The following CPNE4 variants were observed in gnomAD, a reference collection of about 807,000 sequenced individuals.
CPNE4 encodes copine-4.
In CPNE4, 25 loss-of-function variants were observed where a neutral mutation model predicts 67.9. The observed-to-expected ratio is 0.37, with a 90% CI of 0.27 to 0.51. The LOEUF (loss-of-function observed/expected upper bound fraction) is 0.51. CPNE4 is among the 20% of genes least tolerant of loss of function. The pLI is 0.93. For synonymous variants in CPNE4, 242 were observed against 244.9 expected, an observed-to-expected ratio of 0.99 and a Z score of 0.11; for missense variants, 464 against 690.8, an observed-to-expected ratio of 0.67 and a Z score of 3.68.
intron 5 of CPNE4, among the ~76,000 whole-genome samples, chr3:131,687,525 C>A (rs533543128): frequency 6.6e-5 from 10 of 152,132 alleles, no homozygotes; most frequent in Non-Finnish European, 1.3e-4. Flanking sequence ...TAGACTTTAG[C>A]AAAGTAGAAT....
At chr3:131,941,235 A>T (rs1038421026) in intron 1 of CPNE4, among the ~76,000 whole-genome samples, 6 of 152,126 alleles carry the variant, frequency 3.9e-5, no homozygotes, top group Non-Finnish European at 8.8e-5. Flanking sequence ...AATTATATTA[A>T]GAACGAAGGT....
intron 7 of CPNE4, among the ~76,000 whole-genome samples, chr3:131,669,409 AT>A (rs569436053): frequency 2.4e-4 from 37 of 152,158 alleles, no homozygotes; most frequent in Non-Finnish European, 4.6e-4. Context: ...TATAACCTGA[AT>A]TTATTGCCAT....
chr3:131,548,639 G>A (rs1177356295), intron 14 of CPNE4, among the ~76,000 whole-genome samples: 1 of 152,066 alleles, frequency 6.6e-6, no homozygotes, highest in Non-Finnish European at 1.5e-5. Context: ...AGGCCTCAAG[G>A]TGGGAATATA....
intron 7 of CPNE4, among the ~76,000 whole-genome samples, chr3:131,638,830 C>T (rs2079463063): frequency 6.6e-6 from 1 of 152,074 alleles, no homozygotes; most frequent in Non-Finnish European, 1.5e-5. Flanking sequence ...TCTCTCAGAC[C>T]ACAATGGAAT....
At chr3:131,859,457 C>T (rs1472996214) in intron 2 of CPNE4, among the ~76,000 whole-genome samples, 1 of 152,108 alleles carries the variant, frequency 6.6e-6, no homozygotes, top group Admixed American at 6.6e-5. Context: ...TTTCCTTTGT[C>T]CCTGTTTCAA....
chr3:131,896,076 C>T (rs1048569148), intron 2 of CPNE4, among the ~76,000 whole-genome samples: 2 of 151,604 alleles, frequency 1.3e-5, no homozygotes, highest in Non-Finnish European at 2.9e-5. Flanking sequence ...TGATTGGGGC[C>T]AGATGTCCCT....
At chr3:131,677,729 A>T (rs183389937) in intron 6 of CPNE4, among the ~76,000 whole-genome samples, 1 of 152,220 alleles carries the variant, frequency 6.6e-6, no homozygotes, top group East Asian at 1.9e-4. Context: ...TTTGTTGAAG[A>T]TCAGATAGTT....
intron 1 of CPNE4, among the ~76,000 whole-genome samples, chr3:131,959,372 A>G (rs2072098896): frequency 6.6e-6 from 1 of 152,032 alleles, no homozygotes; most frequent in African/African-American, 2.4e-5. Flanking sequence ...GCATTCCCCA[A>G]TCCTGGAAGG....
At chr3:131,552,278 G>A (rs921789426) in intron 13 of CPNE4, among the ~76,000 whole-genome samples, 162 bp downstream of exon 13, 2 of 151,894 alleles carry the variant, frequency 1.3e-5, no homozygotes, top group African/African-American at 4.8e-5. Flanking sequence ...TGTTATCATG[G>A]CTTTCTCTTG....
At chr3:131,600,957 A>C (rs1309605630) in intron 7 of CPNE4, among the ~76,000 whole-genome samples, 4 of 152,118 alleles carry the variant, frequency 2.6e-5, no homozygotes, top group Admixed American at 2.6e-4. Context: ...CATTTTAATT[A>C]ATGCACTACA....
At chr3:131,574,277 A>G (rs1937484477) in intron 10 of CPNE4, among the ~76,000 whole-genome samples, 2 of 152,136 alleles carry the variant, frequency 1.3e-5, no homozygotes, top group African/African-American at 4.8e-5. Context: ...AAAGGGTTCT[A>G]GCACATCTGT....
chr3:131,791,967 A>G (rs2083736738), intron 2 of CPNE4, among the ~76,000 whole-genome samples: 1 of 152,198 alleles, frequency 6.6e-6, no homozygotes, highest in African/African-American at 2.4e-5. Flanking sequence ...ATATAGGGCT[A>G]TAATTACTCA....
Position 131,923,700 on chromosome 3 carries a change from G to A in CPNE4, c.-1-18256C>T, listed in dbSNP as rs190823501. 3.7e-4 allele frequency among the ~76,000 whole-genome samples: 19 copies of A among 50,918 alleles called. No homozygotes were observed. The East Asian group carries it at 7.5e-3, about 20-fold the overall frequency. 33.4% of individuals were successfully genotyped at this position (50,918 alleles called of 152,430 possible). On this transcript the variant is annotated intron_variant, in intron 1 of 15. Transcript: ENST00000429747. Reference sequence around the variant, plus strand: ...AGCCTGGGTGACAGAGCTAGACTCCGTCTCAAAAAAAAAAAAAAAAAAAAA... The same window carrying A: ...AGCCTGGGTGACAGAGCTAGACTCCATCTCAAAAAAAAAAAAAAAAAAAAA...
chr3:131,792,958 G>GT (rs1486693686), intron 2 of CPNE4, among the ~76,000 whole-genome samples: 2 of 141,594 alleles, frequency 1.4e-5, no homozygotes, highest in Non-Finnish European at 3.0e-5. Flanking sequence ...AACCAGAATT[G>GT]TTTTTTCCAC....
intron 7 of CPNE4, among the ~76,000 whole-genome samples, chr3:131,644,237 T>C (rs578051954): frequency 1.5e-4 from 23 of 152,030 alleles, no homozygotes; most frequent in African/African-American, 5.5e-4. Flanking sequence ...AAGATCTGTC[T>C]CCCGGGTTCA....
intron 2 of CPNE4, among the ~76,000 whole-genome samples, chr3:131,832,053 A>G (rs1038640760): frequency 2.6e-5 from 4 of 152,230 alleles, no homozygotes; most frequent in African/African-American, 4.8e-5. Context: ...ATTCAGGTCA[A>G]CATGAGTTCT....
At chr3:131,990,304 T>C (rs1433329825) in intron 1 of CPNE4, among the ~76,000 whole-genome samples, 1 of 136,638 alleles carries the variant, frequency 7.3e-6, no homozygotes, top group African/African-American at 2.5e-5. Context: ...ATAGGTTATT[T>C]TACTAAAAAA....
At chr3:131,651,315 A>T (rs544721832) in intron 7 of CPNE4, among the ~76,000 whole-genome samples, 1 of 152,192 alleles carries the variant, frequency 6.6e-6, no homozygotes, top group Admixed American at 6.5e-5. Context: ...CTTTTTCCCA[A>T]CTGTCCACAC....
intron 7 of CPNE4, among the ~76,000 whole-genome samples, chr3:131,653,340 G>A (rs918029098): frequency 2.0e-5 from 3 of 151,612 alleles, no homozygotes; most frequent in African/African-American, 7.3e-5. Flanking sequence ...AGTACAGATG[G>A]GGTTTCACCA....
Sources: gnomAD v4.1 joint callset for allele counts (sites outside exome capture counted in the v4.1 genomes callset) on GRCh38, gnomAD v4.1.1 for gene constraint, MANE v1.5 for transcripts, NCBI Gene and HGNC (gene_info 2026-07-23, HGNC 2026-07-21) for gene names.